The following INPP5B variants were observed in gnomAD, a reference collection of about 807,000 sequenced individuals.
INPP5B encodes inositol polyphosphate-5-phosphatase B, also known as type II inositol 1,4,5-trisphosphate 5-phosphatase.
INPP5B carries 90 observed loss-of-function variants against 118.5 expected under a neutral mutation model. That is an observed-to-expected ratio of 0.76 (90% CI 0.64 to 0.90). The LOEUF (loss-of-function observed/expected upper bound fraction) is 0.90. Among genes scored for constraint, INPP5B ranks in the 40% least tolerant of loss-of-function variants. The probability of loss-of-function intolerance (pLI) is 0.00; values close to 1 mark genes in which losing one functional copy is unlikely to be tolerated. For missense variants in INPP5B, 984 were observed against 1,125.6 expected (o/e 0.87, Z 1.80); for synonymous variants, 385 against 418.9 (o/e 0.92, Z 0.99).
At chr1:37,874,852 G>C (rs968756393) in intron 17 of INPP5B, among the ~76,000 whole-genome samples, 3 of 152,168 alleles carry the variant, frequency 2.0e-5, no homozygotes, top group African/African-American at 7.2e-5. Flanking sequence ...TGACTTTGTA[G>C]AATGTCAAGT....
intron 7 of INPP5B, chr1:37,931,708 G>T: frequency 6.5e-7 from 1 of 1,546,368 alleles, no homozygotes. Flanking sequence ...GGCGGCGGCA[G>T]ACATTTCCCT....
intron 6 of INPP5B, among the ~76,000 whole-genome samples, chr1:37,937,783 T>A (rs1010957599): frequency 4.1e-5 from 6 of 146,986 alleles, no homozygotes; most frequent in South Asian, 4.3e-4. Context: ...TAAAATAAAA[T>A]AAAATAAAAT....
At chr1:37,944,132 A>G (rs1361904957) in intron 3 of INPP5B, among the ~76,000 whole-genome samples, 1 of 152,132 alleles carries the variant, frequency 6.6e-6, no homozygotes, top group Non-Finnish European at 1.5e-5. Flanking sequence ...ATTGTTAGTA[A>G]AACACAAACA....
Position 37,861,676 on chromosome 1 carries a change from G to C in INPP5B, c.*639C>G, listed in dbSNP as rs1215810777. On this transcript the variant is annotated 3_prime_UTR_variant, in exon 24 of 24. Coordinates refer to ENST00000373024, the MANE Select transcript of INPP5B (RefSeq NM_005540.3). Reference sequence around the variant, plus strand: ...ACCAAGGAGGCAGAGGTTGCAGTGAGCCAAGACCACGCCAACGCACTCCAG... The same window carrying C: ...ACCAAGGAGGCAGAGGTTGCAGTGACCCAAGACCACGCCAACGCACTCCAG... 6.6e-6 allele frequency: 1 copy of C among 150,612 alleles called. No individual in the cohort carries two copies. The allele number at this position is 150,612 out of a possible 1,614,324, so 9.3% of individuals were successfully genotyped here. A position where few individuals can be genotyped will look rare whatever the true frequency, so the allele number is the denominator to read the frequency against.
chr1:37,904,193 T>C (rs1467043422), intron 7 of INPP5B, among the ~76,000 whole-genome samples: 1 of 151,978 alleles, frequency 6.6e-6, no homozygotes, highest in Non-Finnish European at 1.5e-5. Context: ...GGCATGGTGA[T>C]GCGTGCCTGT....
intron 7 of INPP5B, among the ~76,000 whole-genome samples, chr1:37,924,315 T>C (rs750952950): frequency 6.6e-6 from 1 of 151,508 alleles, no homozygotes; most frequent in Non-Finnish European, 1.5e-5. Flanking sequence ...ACTACAGGCA[T>C]GTGCCACCCT....
chr1:37,941,958 A>AAAAAAAAAAAAAAAAAAATATATATAT (rs1427344681), intron 5 of INPP5B: 1 of 30,392 alleles, frequency 3.3e-5, no homozygotes, highest in Non-Finnish European at 6.6e-5. Flanking sequence ...AAAAAAAAAA[A>AAAAAAAAAAAAAAAAAAATATATATAT]ATATATATAT....
At position 37,907,801 on chromosome 1, in the gene INPP5B, A is replaced by G. The variant is rs1344324278; in HGVS notation, c.533-16347T>C. Among the ~76,000 whole-genome samples, 2 of 152,146 alleles carry G rather than the reference A, an allele frequency of 1.3e-5. No homozygotes were observed. Among genetic ancestry groups the G allele is most frequent in the African/African-American group, 4.8e-5 (2 of 41,434 alleles). On this transcript the variant is annotated intron_variant, in intron 7 of 23. Transcript: ENST00000373024. This position sits in a 1 kb window ranked among gnomAD's most constrained non-coding sequence, Gnocchi z 4.3. Reference sequence around the variant, plus strand: ...TTACCCTATATGGTCTAAAAAGGGGAGGCATGAATAATCTGTCAGGCCTCT... The same window carrying G: ...TTACCCTATATGGTCTAAAAAGGGGGGGCATGAATAATCTGTCAGGCCTCT...
rs1014301543 is a variant in INPP5B at position 37,878,053 on chromosome 1, T to C, written c.1677+135A>G. On this transcript the variant is annotated intron_variant, in intron 16 of 23. Transcript: ENST00000373024. ...CAATTATTAACCAAGTTGTTAATAA[T>C]TGTTTTAAATTGTCCTAAAAGGGGC... The C allele has an allele frequency of 1.5e-5, 15 of 1,014,156 alleles. No individual in the cohort carries two copies. In the Admixed American group the frequency reaches 1.9e-4, roughly 13 times the overall value. The allele number at this position is 1,014,156 out of a possible 1,614,324, so 62.8% of individuals were successfully genotyped here. A position where few individuals can be genotyped will look rare whatever the true frequency, so the allele number is the denominator to read the frequency against.
rs555341885 is a variant in INPP5B, at chr1:37,884,715, G to A, written c.1319+923C>T. ...GCCTGTAATCCCAGCACTTTGGGAG[G>A]CCGAGGTGGGCGGATCACGAGGTCA... On this transcript the variant is annotated intron_variant, in intron 13 of 23. Transcript: ENST00000373024. Among the ~76,000 whole-genome samples, 18 of 152,184 alleles carry A rather than the reference G, an allele frequency of 1.2e-4. No individual in the cohort carries two copies. In the South Asian group the frequency reaches 3.5e-3, roughly 30 times the overall value.
At chr1:37,902,578 ATGT>A (rs1644369688) in intron 7 of INPP5B, among the ~76,000 whole-genome samples, 2 of 151,960 alleles carry the variant, frequency 1.3e-5, no homozygotes, top group Non-Finnish European at 2.9e-5. Flanking sequence ...TTTTTTTGAG[ATGT>A]TGTTTCGCTC....
chr1:37,931,181 G>A, intron 7 of INPP5B: 2 of 225,042 alleles, frequency 8.9e-6, no homozygotes, highest in Non-Finnish European at 1.8e-5. Flanking sequence ...AGAGTAGACA[G>A]GGCTCCCCAA....
chr1:37,931,714 T>G lies in INPP5B; in HGVS notation c.532+199A>C, dbSNP rs770941648. ...CCGAGAGCCGGCGGCGGCAGACATT[T>G]CCCTGCCTGCTTCCTCAAGCTCCTC... On this transcript the variant is annotated intron_variant, in intron 7 of 23. Coordinates refer to ENST00000373024, the MANE Select transcript of INPP5B (RefSeq NM_005540.3). 7 of 1,552,756 alleles carry G rather than the reference T, an allele frequency of 4.5e-6. No individual in the cohort carries two copies. The Admixed American group carries it at 1.1e-4, about 25-fold the overall frequency.
chr1:37,926,107 A>T (rs1645218547), intron 7 of INPP5B, among the ~76,000 whole-genome samples: 1 of 152,158 alleles, frequency 6.6e-6, no homozygotes, highest in Non-Finnish European at 1.5e-5. Context: ...CCCGGGGGCT[A>T]TTTTGCTAAC....
chr1:37,927,680 G>A (rs1645285867), intron 7 of INPP5B, among the ~76,000 whole-genome samples: 1 of 151,756 alleles, frequency 6.6e-6, no homozygotes, highest in South Asian at 2.1e-4. Context: ...GGGACTACAG[G>A]CGCCCACCAC....
intron 6 of INPP5B, among the ~76,000 whole-genome samples, chr1:37,937,818 A>C (rs1011527870): frequency 6.6e-6 from 1 of 151,794 alleles, no homozygotes; most frequent in African/African-American, 2.4e-5. Context: ...AAATACAAAA[A>C]TTAGCCAGGC....
chr1:37,943,884 G>A lies in INPP5B; in HGVS notation c.162C>T (p.Leu54=). 2 of 1,613,496 alleles carry A rather than the reference G, an allele frequency of 1.2e-6. No individual in the cohort carries two copies. The highest frequency in any genetic ancestry group is 1.7e-6 in the Non-Finnish European group (2 of 1,179,476). ...EHGGQEHALF[L]YTHRRMAITG... ...TAATGGCCATCCTCCGGTGCGTATA[G>A]AGGAAGAGACTAAGGGCAGGAAGCA... Residue 54 remains leucine, a synonymous_variant, in exon 4 of 24, where the codon CTC becomes CTT. Transcript: ENST00000373024.
rs1451450960 is a variant in INPP5B at position 37,940,670 on chromosome 1, G to C, written c.391+18C>G. ...CCAGCAACCCACCCACCCCCAGGGA[G>C]CCTGGGGTCTTACCTACCTGGACAG... On this transcript the variant is annotated intron_variant, in intron 6 of 23. Coordinates refer to ENST00000373024, the MANE Select transcript of INPP5B (RefSeq NM_005540.3). The C allele has an allele frequency of 6.7e-7, 1 of 1,501,792 alleles. No homozygotes were observed. The highest frequency in any genetic ancestry group is 9.3e-7 in the Non-Finnish European group (1 of 1,077,572). The allele number at this position is 1,501,792 out of a possible 1,614,324, so 93.0% of individuals were successfully genotyped here. A position where few individuals can be genotyped will look rare whatever the true frequency, so the allele number is the denominator to read the frequency against.
At chr1:37,872,894 A>G (rs761831233) in intron 19 of INPP5B, 36 bp downstream of exon 19, 1 of 1,509,970 alleles carries the variant, frequency 6.6e-7, no homozygotes, top group Non-Finnish European at 9.2e-7. Flanking sequence ...TGTCTGCTAC[A>G]AAGTTCTAGA....
Sources: allele counts gnomAD v4.1 joint callset (sites outside exome capture counted in the v4.1 genomes callset), GRCh38; gene constraint gnomAD v4.1.1; non-coding constraint Gnocchi (gnomAD v3.1); transcripts MANE v1.5; gene names NCBI Gene and HGNC (gene_info 2026-07-23, HGNC 2026-07-21).